Variants in EPS15 observed in about 807,000 individuals in gnomAD.
EPS15 encodes epidermal growth factor receptor pathway substrate 15.
A neutral mutation model predicts 113.8 loss-of-function variants in EPS15; 72 were observed. That is an observed-to-expected ratio of 0.63 (90% CI 0.52 to 0.77). EPS15 has a LOEUF of 0.77. Ranked by LOEUF, EPS15 falls within the 30% of genes least tolerant of loss-of-function variation. The pLI, the probability that EPS15 is intolerant of heterozygous loss-of-function variation, is 0.00. For missense variants in EPS15, 1,048 were observed against 1,045.8 expected, an observed-to-expected ratio of 1.00 and a Z score of -0.03; for synonymous variants, 344 against 363.4, an observed-to-expected ratio of 0.95 and a Z score of 0.61.
chr1:51,416,131 A>G (rs1222811244), intron 13 of EPS15, among the ~76,000 whole-genome samples: 1 of 152,062 alleles, frequency 6.6e-6, no homozygotes, highest in African/African-American at 2.4e-5. Flanking sequence ...CCTTAACTAG[A>G]GCAGTGGAAG....
chr1:51,426,837 C>CTCTCTCTCTCTCTCTATATATA (rs377211027), intron 12 of EPS15, among the ~76,000 whole-genome samples: 10 of 143,566 alleles, frequency 7.0e-5, no homozygotes, highest in African/African-American at 2.6e-4. Flanking sequence ...CTCTCTCTCT[C>CTCTCTCTCTCTCTCTATATATA]TATATATATA....
At chr1:51,465,104 C>G (rs1259261394) in intron 6 of EPS15, among the ~76,000 whole-genome samples, 157 bp downstream of exon 6, 1 of 152,096 alleles carries the variant, frequency 6.6e-6, no homozygotes, top group Non-Finnish European at 1.5e-5. Flanking sequence ...ACTGACAGAG[C>G]CGAAAGATCC....
chr1:51,504,514 T>G (rs945312414), intron 1 of EPS15, among the ~76,000 whole-genome samples: 9 of 152,080 alleles, frequency 5.9e-5, no homozygotes, highest in Non-Finnish European at 1.3e-4. Context: ...AAACCACGTA[T>G]CTAATAAGGA....
intron 13 of EPS15, among the ~76,000 whole-genome samples, chr1:51,418,321 G>A (rs936003641): frequency 6.6e-6 from 1 of 152,050 alleles, no homozygotes; most frequent in South Asian, 2.1e-4. Context: ...AAAGTCAATG[G>A]AAGCAAAGGT....
intron 21 of EPS15, among the ~76,000 whole-genome samples, chr1:51,373,841 C>T (rs1285964886): frequency 6.6e-6 from 1 of 152,116 alleles, no homozygotes; most frequent in African/African-American, 2.4e-5. Flanking sequence ...ATCTCAGCTA[C>T]TTGGGAGGCT....
chr1:51,375,210 C>T (rs1338317870), intron 21 of EPS15, among the ~76,000 whole-genome samples: 2 of 151,504 alleles, frequency 1.3e-5, no homozygotes, highest in Non-Finnish European at 2.9e-5. Context: ...ACTGTGTTAG[C>T]TAGGATGGTC....
At chr1:51,425,347 C>T (rs1651109838) in intron 12 of EPS15, among the ~76,000 whole-genome samples, 1 of 152,210 alleles carries the variant, frequency 6.6e-6, no homozygotes, top group Non-Finnish European at 1.5e-5. Context: ...TTTTCCTAGA[C>T]TCTATGTACA....
intron 7 of EPS15, chr1:51,461,817 A>G (rs548899962): frequency 1.3e-5 from 2 of 152,234 alleles, no homozygotes; most frequent in African/African-American, 4.8e-5. Flanking sequence ...AGTAGTAGTA[A>G]TAATATGGTG....
chr1:51,495,321 TGAC>T (rs1644305895), intron 1 of EPS15, among the ~76,000 whole-genome samples: 1 of 152,078 alleles, frequency 6.6e-6, no homozygotes, highest in South Asian at 2.1e-4. Flanking sequence ...TGGATAAAAC[TGAC>T]AAAGTGAGTT....
At position 51,460,818 on chromosome 1, in the gene EPS15, G is replaced by A. The variant is rs1654379409; in HGVS notation, c.561+273C>T. ...AAGATACCAAAATTAGCTGGGCGTG[G>A]TGGCATGTGCCTGCAATCCCAGATA... On this transcript the variant is annotated intron_variant, in intron 8 of 24. Coordinates refer to ENST00000371733, the MANE Select transcript of EPS15 (RefSeq NM_001981.3). 9.5e-6 allele frequency: 3 copies of A among 315,760 alleles called. No homozygotes were observed. The East Asian group carries it at 2.5e-4, about 26-fold the overall frequency. The allele number at this position is 315,760 out of a possible 1,614,324, so 19.6% of individuals were successfully genotyped here. A position where few individuals can be genotyped will look rare whatever the true frequency, so the allele number is the denominator to read the frequency against.
intron 21 of EPS15, chr1:51,372,386 G>T (rs968460859): frequency 8.2e-5 from 44 of 536,344 alleles, no homozygotes; most frequent in Non-Finnish European, 1.4e-4. Flanking sequence ...TGCTTTTGGG[G>T]TCATGGCAGA....
At chr1:51,497,975 C>CAAAAAA (rs371365509) in intron 1 of EPS15, among the ~76,000 whole-genome samples, 1 of 71,608 alleles carries the variant, frequency 1.4e-5, no homozygotes, top group Non-Finnish European at 2.8e-5. Context: ...GACCCCGTCT[C>CAAAAAA]AAAAAAAAAA....
At chr1:51,488,496 A>AAAAAAAAAC (rs1644169023) in intron 1 of EPS15, among the ~76,000 whole-genome samples, 1 of 150,396 alleles carries the variant, frequency 6.6e-6, no homozygotes, top group Non-Finnish European at 1.5e-5. Flanking sequence ...AAAAAAAAAA[A>AAAAAAAAAC]CTCAGACTTT....
intron 4 of EPS15, 68 bp from the exon 5 acceptor site, chr1:51,468,636 T>C: frequency 3.1e-6 from 3 of 952,658 alleles, no homozygotes; most frequent in Admixed American, 2.2e-5. Context: ...GCACAAATAC[T>C]TACAATCTAA....
chr1:51,357,946 T>C (rs1198333144), intron 24 of EPS15, among the ~76,000 whole-genome samples: 1 of 151,926 alleles, frequency 6.6e-6, no homozygotes, highest in Non-Finnish European at 1.5e-5. Context: ...TTCATGTTGG[T>C]TAGGCTGATC....
intron 21 of EPS15, among the ~76,000 whole-genome samples, chr1:51,386,217 T>C (rs1647068153): frequency 6.6e-6 from 1 of 152,124 alleles, no homozygotes; most frequent in African/African-American, 2.4e-5. Flanking sequence ...AAAACAAAGA[T>C]CTCAATTCCT....
intron 9 of EPS15, 85 bp from the exon 10 acceptor site, chr1:51,447,190 C>A: frequency 8.8e-6 from 11 of 1,246,132 alleles, no homozygotes; most frequent in Non-Finnish European, 1.2e-5. Flanking sequence ...CAATATCCAT[C>A]ACAAATTCTG....
intron 5 of EPS15, 127 bp from the exon 6 acceptor site, chr1:51,465,453 T>A: frequency 1.9e-6 from 1 of 539,858 alleles, no homozygotes; most frequent in Non-Finnish European, 3.3e-6. Context: ...CAGGACACTA[T>A]TTTACATTTA....
At chr1:51,505,890 T>C (rs746723099) in intron 1 of EPS15, among the ~76,000 whole-genome samples, 5 of 151,792 alleles carry the variant, frequency 3.3e-5, no homozygotes, top group Non-Finnish European at 7.4e-5. Context: ...ATTTATTTAT[T>C]TGTTGGTTTG....
Sources: allele counts gnomAD v4.1 joint callset (sites outside exome capture counted in the v4.1 genomes callset), GRCh38; gene constraint gnomAD v4.1.1; transcripts MANE v1.5; gene names NCBI Gene and HGNC (gene_info 2026-07-23, HGNC 2026-07-21).